The following RBFOX1 variants were observed in gnomAD, a reference collection of about 807,000 sequenced individuals.
RBFOX1 encodes RNA binding fox-1 homolog 1, also known as RNA binding protein fox-1 homolog 1.
In RBFOX1, 8 loss-of-function variants were observed where a neutral mutation model predicts 57.7. That is an observed-to-expected ratio of 0.14 (90% confidence interval 0.08 to 0.25). The LOEUF (loss-of-function observed/expected upper bound fraction) is 0.25, where lower values mean the gene tolerates loss of function less well. Among genes scored for constraint, RBFOX1 ranks in the 10% least tolerant of loss-of-function variants. RBFOX1 has a pLI of 1.00. For missense variants in RBFOX1, 611 were observed against 548.5 expected (o/e 1.11, Z -1.14); for synonymous variants, 326 against 222.4 (o/e 1.47, Z -4.15).
intron 5 of RBFOX1, among the ~76,000 whole-genome samples, chr16:7,567,605 C>T (rs1457699094): frequency 1.0e-4 from 2 of 19,118 alleles, no homozygotes; most frequent in African/African-American, 2.3e-4. Context: ...ATATATATAT[C>T]CCTTTATATG....
At chr16:7,068,431 T>A (rs780382647) in intron 4 of RBFOX1, among the ~76,000 whole-genome samples, 1 of 152,170 alleles carries the variant, frequency 6.6e-6, no homozygotes, top group East Asian at 1.9e-4. Context: ...AGGGTGGCCA[T>A]TGGCCCAGGA....
At chr16:6,842,303 ATT>A (rs915050804) in intron 3 of RBFOX1, among the ~76,000 whole-genome samples, 1 of 150,760 alleles carries the variant, frequency 6.6e-6, no homozygotes, top group Non-Finnish European at 1.5e-5. Context: ...TTTCTTAATT[ATT>A]TTTTTCTGAT....
intron 2 of RBFOX1, among the ~76,000 whole-genome samples, chr16:5,502,234 C>G (rs2043223151): frequency 6.6e-6 from 1 of 152,032 alleles, no homozygotes; most frequent in South Asian, 2.1e-4. Context: ...AGAATATCCT[C>G]AGGAAATCTT....
At chr16:5,587,217 G>C (rs1031931346) in intron 2 of RBFOX1, among the ~76,000 whole-genome samples, 2 of 152,154 alleles carry the variant, frequency 1.3e-5, no homozygotes, top group African/African-American at 2.4e-5. Context: ...CTTACATCTA[G>C]AATACATAAA....
intron 4 of RBFOX1, among the ~76,000 whole-genome samples, chr16:7,094,744 CTGTGTGTGTG>C (rs370249382): frequency 1.1e-4 from 15 of 139,436 alleles, no homozygotes; most frequent in African/African-American, 1.6e-4. Context: ...GACTGTACAG[CTGTGTGTGTG>C]TGTGTGTGTG....
intron 14 of RBFOX1, among the ~76,000 whole-genome samples, chr16:7,698,297 C>T (rs1203027610): frequency 1.3e-5 from 2 of 151,890 alleles, no homozygotes; most frequent in African/African-American, 2.4e-5. Context: ...CATGCATTCC[C>T]TTAGCAAATC....
At chr16:5,328,296 C>T (rs191030518) in intron 1 of RBFOX1, among the ~76,000 whole-genome samples, 2 of 152,250 alleles carry the variant, frequency 1.3e-5, no homozygotes, top group Admixed American at 6.5e-5. Context: ...GATTTTGACA[C>T]ACGAAGAGAC....
chr16:6,967,178 C>T (rs929149195), intron 3 of RBFOX1, among the ~76,000 whole-genome samples: 1 of 152,106 alleles, frequency 6.6e-6, no homozygotes, highest in Admixed American at 6.5e-5. Flanking sequence ...TACATTCACA[C>T]ATCCATTTTC....
intron 3 of RBFOX1, among the ~76,000 whole-genome samples, chr16:6,875,747 G>T (rs903555025): frequency 2.6e-5 from 4 of 152,152 alleles, no homozygotes; most frequent in African/African-American, 9.7e-5. Context: ...GCCCATGCCT[G>T]TAACAGCAGC....
intron 1 of RBFOX1, among the ~76,000 whole-genome samples, chr16:6,302,768 G>T (rs2078970853): frequency 6.6e-6 from 1 of 152,116 alleles, no homozygotes; most frequent in Non-Finnish European, 1.5e-5. Context: ...ACCTAATCAA[G>T]ACCAAATGGC....
chr16:5,707,613 C>G (rs917794977), intron 3 of RBFOX1, among the ~76,000 whole-genome samples: 1 of 152,208 alleles, frequency 6.6e-6, no homozygotes, highest in African/African-American at 2.4e-5. Context: ...GGCACAGTTT[C>G]CAGGGAAGAT....
chr16:6,192,283 T>C (rs1054302115), intron 1 of RBFOX1, among the ~76,000 whole-genome samples: 2 of 152,162 alleles, frequency 1.3e-5, no homozygotes, highest in African/African-American at 4.8e-5. Context: ...GTGCTTGTTC[T>C]CATGCCACAT....
intron 2 of RBFOX1, among the ~76,000 whole-genome samples, chr16:6,569,234 G>C (rs969229363): frequency 1.7e-4 from 26 of 152,288 alleles, no homozygotes; most frequent in African/African-American, 5.8e-4. Flanking sequence ...CTAATACTGT[G>C]TAAGAAATTA....
intron 3 of RBFOX1, among the ~76,000 whole-genome samples, chr16:6,898,390 G>A (rs1218012220): frequency 1.3e-5 from 2 of 152,142 alleles, no homozygotes; most frequent in Non-Finnish European, 1.5e-5. Flanking sequence ...GGTATTGAGT[G>A]CACCCCAGCC....
chr16:5,636,570 G>T lies in RBFOX1; in HGVS notation c.318+37609G>T, dbSNP rs115656919. On this transcript the variant is annotated intron_variant, in intron 3 of 19. Coordinates refer to the RBFOX1 transcript ENST00000641259. ...AGGGTTGTCATGTTTTTCTGACTGG[G>T]ATATCAAGATTTTATTGGCTCATGA... 5.6e-3 allele frequency among the ~76,000 whole-genome samples: 860 copies of T among 152,216 alleles called. 8 individuals are homozygous for T. Among genetic ancestry groups the T allele is most frequent in the African/African-American group, 0.02 (812 of 41,564 alleles).
intron 3 of RBFOX1, among the ~76,000 whole-genome samples, chr16:6,767,409 A>C (rs560093537): frequency 1.9e-4 from 29 of 152,196 alleles, no homozygotes; most frequent in Non-Finnish European, 3.7e-4. Context: ...ACTGAGTTCC[A>C]ATTCTCTGAA....
At chr16:5,918,292 G>T (rs1010811614) in intron 4 of RBFOX1, among the ~76,000 whole-genome samples, 9 of 152,086 alleles carry the variant, frequency 5.9e-5, no homozygotes, top group Admixed American at 3.9e-4. Context: ...GCTAATTTTT[G>T]TATTTTTAGT....
At chr16:6,966,104 A>G (rs1172413652) in intron 3 of RBFOX1, among the ~76,000 whole-genome samples, 2 of 152,160 alleles carry the variant, frequency 1.3e-5, no homozygotes, top group Admixed American at 6.5e-5. Flanking sequence ...GTTCTCAACC[A>G]TAGACTGGGG....
chr16:6,852,160 C>T lies in RBFOX1; in HGVS notation c.-16+197510C>T, dbSNP rs1322923994. On this transcript the variant is annotated intron_variant, in intron 3 of 15. Coordinates refer to ENST00000550418, the MANE Select transcript of RBFOX1 (RefSeq NM_018723.4). ...GTTTTGGTGATCTGATGTCTGAAAT[C>T]AGTGTCACTGGCCTGCAACCAAGGT... Among the ~76,000 whole-genome samples, 5 of 152,076 alleles carry T rather than the reference C, an allele frequency of 3.3e-5. No homozygotes were observed. The East Asian group carries it at 5.8e-4, about 18-fold the overall frequency.
Sources: gnomAD v4.1 joint callset for allele counts (sites outside exome capture counted in the v4.1 genomes callset) on GRCh38, gnomAD v4.1.1 for gene constraint, MANE v1.5 for transcripts, NCBI Gene and HGNC (gene_info 2026-07-23, HGNC 2026-07-21) for gene names.